YJU2B: variants seen among roughly 807,000 people sequenced by gnomAD.
The protein encoded by YJU2B is YJU2 splicing factor homolog B, also known as probable splicing factor YJU2B.
In YJU2B, 18 loss-of-function variants were observed where a neutral mutation model predicts 38.0. The ratio of observed to expected loss-of-function variants is 0.47; its 90% CI spans 0.33 to 0.70. YJU2B has a LOEUF of 0.70. Among genes scored for constraint, YJU2B ranks in the 30% least tolerant of loss-of-function variants. YJU2B has a pLI of 0.02. For synonymous variants in YJU2B, 246 were observed against 225.4 expected (o/e 1.09, Z -0.82); for missense variants, 538 against 556.3 (o/e 0.97, Z 0.33).
At chr19:13,733,868 A>G (rs1055770638) in intron 2 of YJU2B, among the ~76,000 whole-genome samples, 12 of 152,148 alleles carry the variant, frequency 7.9e-5, no homozygotes, top group Non-Finnish European at 1.5e-4. Context: ...GAATTAAAAG[A>G]GAGAAATCTG....
At chr19:13,733,199 G>A (rs1972864269) in intron 2 of YJU2B, among the ~76,000 whole-genome samples, 1 of 151,932 alleles carries the variant, frequency 6.6e-6, no homozygotes, top group Non-Finnish European at 1.5e-5. Context: ...AAAGTGCTGG[G>A]ATTACAGGCA....
At chr19:13,732,874 G>A (rs1198322360) in intron 2 of YJU2B, among the ~76,000 whole-genome samples, 1 of 151,634 alleles carries the variant, frequency 6.6e-6, no homozygotes, top group Non-Finnish European at 1.5e-5. Context: ...CTCCCAAAGT[G>A]CTGGGATTAC....
intron 3 of YJU2B, among the ~76,000 whole-genome samples, chr19:13,754,885 T>C (rs754208371): frequency 3.3e-5 from 5 of 152,142 alleles, no homozygotes; most frequent in Non-Finnish European, 5.9e-5. Context: ...ATCTATCTTA[T>C]TGTGGCTGTG....
chr19:13,743,601 A>C (rs1973151935), upstream of YJU2B, among the ~76,000 whole-genome samples: 1 of 143,124 alleles, frequency 7.0e-6, no homozygotes, highest in African/African-American at 2.6e-5. Context: ...GAAAAAGAAA[A>C]AAATAGAAAG....
In YJU2B at chr19:13,758,931, C is replaced by G; in HGVS notation, c.321C>G (p.Cys107Trp). ...AGATGCAGACGGACCCCGCCAACTG[C>G]GACTACGTGATCGTGAGTGGCGCCC... ...YIEMQTDPAN[C>W]DYVIVSGAQR... Residue 107 changes from cysteine (C) to tryptophan (W), a missense_variant, in exon 7 of 10, where the codon TGC becomes TGG. Cys to Trp is a radical substitution (Grantham distance 215). Coordinates refer to ENST00000221554, the MANE Select transcript of YJU2B (RefSeq NM_030818.4). The G allele has an allele frequency of 6.2e-7, 1 of 1,613,982 alleles. No individual in the cohort carries two copies. The highest frequency in any genetic ancestry group is 8.5e-7 in the Non-Finnish European group (1 of 1,179,998).
At chr19:13,759,492 A>G (rs1973803597) in intron 8 of YJU2B, 2 of 506,264 alleles carry the variant, frequency 4.0e-6, no homozygotes, top group Non-Finnish European at 3.5e-6. Flanking sequence ...GGCTGGGCAC[A>G]GTGACTCACG....
chr19:13,736,113 T>C (rs928330935), intron 2 of YJU2B, among the ~76,000 whole-genome samples: 4 of 151,882 alleles, frequency 2.6e-5, no homozygotes, highest in African/African-American at 9.7e-5. Flanking sequence ...GTATCCCAAG[T>C]CTGGAATATA....
intron 2 of YJU2B, among the ~76,000 whole-genome samples, chr19:13,737,435 G>T (rs772654194): frequency 6.6e-6 from 1 of 151,426 alleles, no homozygotes; most frequent in Admixed American, 6.6e-5. Context: ...GCTCTTCCTG[G>T]GTAGTTCATA....
In YJU2B at chr19:13,762,723, G is replaced by A. The variant is rs751458121; in HGVS notation, c.846G>A (p.Ala282=). ...AGCTGGCACAGAGCCGCAGAACCGC[G>A]CTTGCCACCTCCCCCATCACCGTCG... The part of the protein sequence containing the change: ...LKKLAQSRRT[A]LATSPITVGD... The change falls in exon 10 of 10, where the codon GCG becomes GCA. Residue 282 remains alanine, a synonymous_variant. Coordinates refer to ENST00000221554, the MANE Select transcript of YJU2B (RefSeq NM_030818.4). 1.7e-5 allele frequency: 28 copies of A among 1,607,890 alleles called. No homozygotes were observed. The highest frequency in any genetic ancestry group is 4.0e-5 in the African/African-American group (3 of 74,906).
intron 1 of YJU2B, among the ~76,000 whole-genome samples, chr19:13,748,376 T>C (rs1231164667): frequency 6.6e-6 from 1 of 151,902 alleles, no homozygotes; most frequent in East Asian, 1.9e-4. Context: ...ATAAGGAAAA[T>C]GAGGCTTAGA....
chr19:13,743,578 A>AG (rs1405223502), upstream of YJU2B, among the ~76,000 whole-genome samples: 1 of 84,346 alleles, frequency 1.2e-5, no homozygotes, highest in Non-Finnish European at 2.4e-5. Flanking sequence ...ACTCAGTCTC[A>AG]GGAAAAAAAA....
intron 2 of YJU2B, among the ~76,000 whole-genome samples, chr19:13,736,966 G>A (rs948004468): frequency 2.7e-5 from 4 of 150,368 alleles, no homozygotes; most frequent in East Asian, 2.0e-4. Flanking sequence ...GGCGGAGGTT[G>A]CGGTGAGCTG....
At position 13,758,911 on chromosome 19, in the gene YJU2B, C is replaced by T; in HGVS notation, c.301C>T (p.Gln101Ter). 6.2e-7 allele frequency: 1 copy of T among 1,613,886 alleles called. No individual in the cohort carries two copies. The highest frequency in any genetic ancestry group is 1.1e-5 in the South Asian group (1 of 91,062). The stretch of plus-strand genomic sequence containing the variant: ...CCTCTGTGTCAACTACATCGAGATG[C>T]AGACGGACCCCGCCAACTGCGACTA... ...CHLCVNYIEMQTDPANCDYVI... is the reference protein window; with the variant it reads ...CHLCVNYIEM The change falls in exon 7 of 10, where the codon CAG (glutamine) becomes TAG (stop). Residue 101 changes from glutamine (Q) to a stop codon, truncating the protein, a stop_gained. Transcript: ENST00000221554. LOFTEE classifies it high-confidence loss of function.
Position 13,751,647 on chromosome 19 carries a change from T to C in YJU2B, c.-162T>C, listed in dbSNP as rs1599516954. ...GGATGCCTCCTATGCCTGGCGGGAG[T>C]CTTGTCTGAGCTGGCACCACCACAC... On this transcript the variant is annotated 5_prime_UTR_variant, in exon 2 of 10. Transcript: ENST00000221554. 1.0e-5 allele frequency: 7 copies of C among 671,286 alleles called. No individual in the cohort carries two copies. In the East Asian group the frequency reaches 1.9e-4, roughly 18 times the overall value. The allele number at this position is 671,286 out of a possible 1,614,324, so 41.6% of individuals were successfully genotyped here.
At chr19:13,733,894 T>C (rs1420916294) in intron 2 of YJU2B, among the ~76,000 whole-genome samples, 1 of 152,320 alleles carries the variant, frequency 6.6e-6, no homozygotes, top group Non-Finnish European at 1.5e-5. Flanking sequence ...TTTCACTAAA[T>C]AGATTTGAAT....
chr19:13,755,506 G>A (rs1051447890), intron 3 of YJU2B, among the ~76,000 whole-genome samples: 2 of 151,444 alleles, frequency 1.3e-5, no homozygotes, highest in Non-Finnish European at 2.9e-5. Context: ...AGTCCCCAGC[G>A]AATGTTTGCC....
At chr19:13,748,521 C>T (rs1399624972) in intron 1 of YJU2B, among the ~76,000 whole-genome samples, 1 of 152,184 alleles carries the variant, frequency 6.6e-6, no homozygotes, top group Non-Finnish European at 1.5e-5. Context: ...TACACGCCCA[C>T]CCGATAGCCC....
intron 2 of YJU2B, among the ~76,000 whole-genome samples, chr19:13,735,230 G>A (rs1182594277): frequency 6.6e-6 from 1 of 152,132 alleles, no homozygotes; most frequent in Admixed American, 6.5e-5. Context: ...CAGGAGAATC[G>A]CTTGAACCTG....
chr19:13,744,127 G>T (rs8108916), upstream of YJU2B, among the ~76,000 whole-genome samples: 4,148 of 152,072 alleles, frequency 0.027, 187 homozygotes, highest in African/African-American at 0.095. Flanking sequence ...AGAGGTGAAG[G>T]TTGCAGTGAG....
Sources: gnomAD v4.1 joint callset for allele counts (sites outside exome capture counted in the v4.1 genomes callset) on GRCh38, gnomAD v4.1.1 for gene constraint, MANE v1.5 for transcripts, NCBI Gene and HGNC (gene_info 2026-07-23, HGNC 2026-07-21) for gene names.